Variants in DENND4C observed in about 807,000 individuals in gnomAD.
The protein encoded by DENND4C is DENN domain containing 4C.
A neutral mutation model predicts 203.0 loss-of-function variants in DENND4C; 108 were observed. The ratio of observed to expected loss-of-function variants is 0.53; its 90% CI spans 0.46 to 0.62. DENND4C has a LOEUF of 0.62. Ranked by LOEUF, DENND4C falls within the 20% of genes least tolerant of loss-of-function variation. DENND4C has a pLI of 0.00. For synonymous variants in DENND4C, 871 were observed against 792.4 expected, an observed-to-expected ratio of 1.10 and a Z score of -1.67; for missense variants, 2,481 against 2,301.2, an observed-to-expected ratio of 1.08 and a Z score of -1.60.
At chr9:19,240,221 C>G (rs10811143) in intron 1 of DENND4C, among the ~76,000 whole-genome samples, 77,314 of 151,976 alleles carry the variant, frequency 0.51, 20,533 homozygotes, top group South Asian at 0.59. Flanking sequence ...GATGGTGTAG[C>G]ATGCTACTCT....
chr9:19,240,066 A>G (rs1457909547), intron 1 of DENND4C, among the ~76,000 whole-genome samples: 1 of 152,122 alleles, frequency 6.6e-6, no homozygotes, highest in East Asian at 1.9e-4. Flanking sequence ...CAGGTATGTC[A>G]GTTTTTGCTG....
intron 9 of DENND4C, among the ~76,000 whole-genome samples, chr9:19,302,119 C>T (rs572436099): frequency 6.6e-6 from 1 of 152,216 alleles, no homozygotes; most frequent in Non-Finnish European, 1.5e-5. Flanking sequence ...GAGGTTTATG[C>T]AACTGATGTT....
chr9:19,247,718 G>T (rs911761282), intron 1 of DENND4C, among the ~76,000 whole-genome samples: 5 of 152,106 alleles, frequency 3.3e-5, no homozygotes, highest in African/African-American at 1.2e-4. Context: ...TACATCTCTT[G>T]AATATTTTAG....
intron 17 of DENND4C, among the ~76,000 whole-genome samples, chr9:19,333,317 A>G (rs912463913): frequency 5.9e-5 from 9 of 152,234 alleles, no homozygotes; most frequent in African/African-American, 2.2e-4. Flanking sequence ...CACCTGGCCT[A>G]TGGAACCTAT....
chr9:19,350,758 G>C lies in DENND4C; in HGVS notation c.4374G>C (p.Gly1458=). 6.2e-7 allele frequency: 1 copy of C among 1,613,914 alleles called. No individual in the cohort carries two copies. The highest frequency in any genetic ancestry group is 8.5e-7 in the Non-Finnish European group (1 of 1,179,970). The part of the protein sequence containing the change: ...FPAGLEDHIL[G]ENISPNTSIS... The stretch of plus-strand genomic sequence containing the variant: ...CTGGCCTAGAAGACCATATTTTGGG[G>C]GAGAATATATCGCCTAACACAAGTA... The change falls in exon 24 of 33, where the codon GGG becomes GGC. Residue 1458 remains glycine (G), a synonymous_variant. Transcript: ENST00000434457.
At chr9:19,287,863 G>A (rs768318677) in intron 3 of DENND4C, among the ~76,000 whole-genome samples, 2 of 152,162 alleles carry the variant, frequency 1.3e-5, no homozygotes, top group Non-Finnish European at 2.9e-5. Context: ...CTCCCAGGTA[G>A]CTGGGGCTAC....
intron 1 of DENND4C, among the ~76,000 whole-genome samples, chr9:19,269,009 T>C (rs1831082646): frequency 6.6e-6 from 1 of 152,190 alleles, no homozygotes; most frequent in Non-Finnish European, 1.5e-5. Context: ...TATATCTCTT[T>C]GAATAAACTT....
chr9:19,250,869 C>G (rs1357918274), intron 1 of DENND4C, among the ~76,000 whole-genome samples: 1 of 152,234 alleles, frequency 6.6e-6, no homozygotes, highest in Non-Finnish European at 1.5e-5. Flanking sequence ...ACCCCTGTGG[C>G]TTTGCAGGGT....
intron 1 of DENND4C, among the ~76,000 whole-genome samples, chr9:19,261,873 A>AG (rs758828725): frequency 3.3e-5 from 5 of 150,176 alleles, no homozygotes; most frequent in Non-Finnish European, 5.9e-5. Context: ...TAGTTGTAGC[A>AG]ATTTTTTACT....
At chr9:19,349,747 G>C (rs1376292076) in intron 23 of DENND4C, among the ~76,000 whole-genome samples, 1 of 152,154 alleles carries the variant, frequency 6.6e-6, no homozygotes, top group Non-Finnish European at 1.5e-5. Flanking sequence ...AGGGGAGTTA[G>C]TAAATACATA....
rs752221375 is a variant in DENND4C at position 19,290,696 on chromosome 9, T to G, written c.629-8T>G. 3.2e-5 allele frequency: 45 copies of G among 1,409,748 alleles called. No homozygotes were observed. Among genetic ancestry groups the G allele is most frequent in the Non-Finnish European group, 4.0e-5 (43 of 1,072,676 alleles). The allele number at this position is 1,409,748 out of a possible 1,614,324, so 87.3% of individuals were successfully genotyped here. A position where few individuals can be genotyped will look rare whatever the true frequency, so the allele number is the denominator to read the frequency against. On this transcript the variant is annotated splice_region_variant and splice_polypyrimidine_tract_variant and intron_variant, in intron 4 of 32. Transcript: ENST00000434457. ...TAAAAAATTTATTGTTGTCTCATTC[T>G]TCAAAAGGTTTAATTTTTAGATATC...
At chr9:19,270,589 A>G (rs1831444130) in intron 1 of DENND4C, among the ~76,000 whole-genome samples, 2 of 152,212 alleles carry the variant, frequency 1.3e-5, no homozygotes, top group African/African-American at 2.4e-5. Flanking sequence ...TTAAAAATCC[A>G]TTCATCTCTT....
intron 5 of DENND4C, among the ~76,000 whole-genome samples, chr9:19,294,508 A>G (rs1837020147): frequency 6.6e-6 from 1 of 152,192 alleles, no homozygotes; most frequent in Non-Finnish European, 1.5e-5. Context: ...TAGAATTACC[A>G]TATGATCGAG....
Position 19,371,807 on chromosome 9 carries a change from G to T in DENND4C, c.5727G>T (p.Glu1909Asp). The T allele has an allele frequency of 6.9e-7, 1 of 1,454,186 alleles. No homozygotes were observed. The highest frequency in any genetic ancestry group is 1.8e-4 in the Middle Eastern group (1 of 5,696). The allele number at this position is 1,454,186 out of a possible 1,614,324, so 90.1% of individuals were successfully genotyped here. The change falls in exon 32 of 33, where the codon GAG (glutamate) becomes GAT (aspartate). Residue 1909 changes from glutamate to aspartate, a missense_variant. Physicochemically the swap from Glu to Asp is conservative, Grantham distance 45. Transcript: ENST00000434457. ...TATCATTAGTGTCTCTAGGAAGAGAGAATATTGATATTGGTAAGTTGGTTA... is the reference window on the plus strand; with the variant it reads ...TATCATTAGTGTCTCTAGGAAGAGATAATATTGATATTGGTAAGTTGGTTA... ...LFLSLVSLGR[E>D]NIDIEAFDNE...
intron 18 of DENND4C, 70 bp from the exon 19 acceptor site, chr9:19,336,200 C>A: frequency 7.2e-7 from 1 of 1,383,008 alleles, no homozygotes; most frequent in Non-Finnish European, 9.9e-7. Flanking sequence ...TACACACACA[C>A]ATATATGTAT....
chr9:19,348,969 G>C (rs777392481), intron 23 of DENND4C, among the ~76,000 whole-genome samples: 3 of 152,026 alleles, frequency 2.0e-5, no homozygotes, highest in African/African-American at 7.2e-5. Context: ...CACCATGACT[G>C]CTAATATTTT....
intron 7 of DENND4C, 35 bp from the exon 8 acceptor site, chr9:19,299,194 A>G (rs1481824683): frequency 6.7e-7 from 1 of 1,485,646 alleles, no homozygotes; most frequent in African/African-American, 1.5e-5. Context: ...TGGTTAATTT[A>G]TCTTTGGTTA....
intron 31 of DENND4C, chr9:19,371,296 T>C (rs1369067308): frequency 1.9e-5 from 3 of 154,246 alleles, no homozygotes; most frequent in Admixed American, 6.5e-5. Context: ...CACCACCTTT[T>C]ACATTGTTTG....
At chr9:19,350,317 A>G (rs1320328901) in intron 23 of DENND4C, among the ~76,000 whole-genome samples, 1 of 152,240 alleles carries the variant, frequency 6.6e-6, no homozygotes. Flanking sequence ...TACATATCTA[A>G]TAAATGGTGG....
Sources: allele counts gnomAD v4.1 joint callset (sites outside exome capture counted in the v4.1 genomes callset), GRCh38; gene constraint gnomAD v4.1.1; transcripts MANE v1.5; gene names NCBI Gene and HGNC (gene_info 2026-07-23, HGNC 2026-07-21).